The following CATSPERE variants were observed in gnomAD, a reference collection of about 807,000 sequenced individuals.
CATSPERE encodes catsper channel auxiliary subunit epsilon, also known as cation channel sperm-associated auxiliary subunit epsilon.
CATSPERE carries 93 observed loss-of-function variants against 114.1 expected under a neutral mutation model. The ratio of observed to expected loss-of-function variants is 0.81; its 90% confidence interval spans 0.69 to 0.97. The LOEUF is 0.97. Among genes scored for constraint, CATSPERE ranks in the 50% least tolerant of loss-of-function variants. CATSPERE has a pLI of 0.00. For synonymous variants in CATSPERE, 341 were observed against 384.1 expected (o/e 0.89, Z 1.31); for missense variants, 1,058 against 1,131.6 (o/e 0.93, Z 0.93).
chr1:244,524,502 C>A (rs1380340715), intron 8 of CATSPERE, among the ~76,000 whole-genome samples: 3 of 150,064 alleles, frequency 2.0e-5, no homozygotes, highest in Non-Finnish European at 4.4e-5. Context: ...TGTAATTAAA[C>A]TAAAGAGCTT....
Position 244,640,183 on chromosome 1 carries a change from A to C in CATSPERE, c.*102A>C. 1.2e-6 allele frequency: 1 copy of C among 821,792 alleles called. No individual in the cohort carries two copies. The highest frequency in any genetic ancestry group is 1.8e-6 in the Non-Finnish European group (1 of 569,054). The allele number at this position is 821,792 out of a possible 1,614,324, so 50.9% of individuals were successfully genotyped here. A position where few individuals can be genotyped will look rare whatever the true frequency, so the allele number is the denominator to read the frequency against. On this transcript the variant is annotated 3_prime_UTR_variant, in exon 22 of 22. Transcript: ENST00000366534. ...TGTTTGACCAAGAAATACTAAATAT[A>C]AGCTCGTAGTAGGCATCACCAAATT... is the stretch of plus-strand genomic sequence containing the variant.
chr1:244,635,484 T>C lies in CATSPERE; in HGVS notation c.2649-5T>C. On this transcript the variant is annotated splice_region_variant and splice_polypyrimidine_tract_variant and intron_variant, in intron 20 of 21. Coordinates refer to ENST00000366534, the MANE Select transcript of CATSPERE (RefSeq NM_001130957.2). Reference sequence around the variant, plus strand: ...AATCTTTCATATTATTTTTCTGCTTTGCAGTTTCTGTAACCTAACAGCTAT... The same window carrying C: ...AATCTTTCATATTATTTTTCTGCTTCGCAGTTTCTGTAACCTAACAGCTAT... 1 of 1,607,482 alleles carries C rather than the reference T, an allele frequency of 6.2e-7. No homozygotes were observed. Among genetic ancestry groups the C allele is most frequent in the Non-Finnish European group, 8.5e-7 (1 of 1,174,118 alleles).
chr1:244,609,543 G>C (rs999970372), intron 18 of CATSPERE, among the ~76,000 whole-genome samples: 1 of 151,962 alleles, frequency 6.6e-6, no homozygotes, highest in African/African-American at 2.4e-5. Context: ...CAGAGACAGG[G>C]TTTCACTGTG....
intron 6 of CATSPERE, among the ~76,000 whole-genome samples, chr1:244,491,860 C>G (rs1672230094): frequency 6.6e-6 from 1 of 152,162 alleles, no homozygotes; most frequent in Non-Finnish European, 1.5e-5. Flanking sequence ...TGGATAAATT[C>G]CTTGACACAT....
intron 8 of CATSPERE, among the ~76,000 whole-genome samples, chr1:244,527,355 C>T (rs921607175): frequency 6.6e-5 from 10 of 152,284 alleles, no homozygotes; most frequent in African/African-American, 1.9e-4. Context: ...AAGAATTCAG[C>T]GATATTTCTC....
chr1:244,507,226 G>T (rs1196138927), intron 7 of CATSPERE, among the ~76,000 whole-genome samples: 2 of 152,218 alleles, frequency 1.3e-5, no homozygotes, highest in East Asian at 3.9e-4. Flanking sequence ...TGGGGGTTCA[G>T]GTATCCCTTT....
intron 18 of CATSPERE, 91 bp from the exon 19 acceptor site, chr1:244,610,149 A>C: frequency 1.2e-6 from 1 of 816,078 alleles, no homozygotes; most frequent in South Asian, 2.0e-5. Context: ...AAAAATACAA[A>C]ATTTTCAATA....
intron 6 of CATSPERE, among the ~76,000 whole-genome samples, chr1:244,492,647 G>A (rs1475377419): frequency 2.6e-5 from 4 of 152,144 alleles, no homozygotes; most frequent in Non-Finnish European, 5.9e-5. Context: ...AAAAGAGGAA[G>A]TCAAATTGTC....
At chr1:244,456,833 T>C (rs754006016), upstream of CATSPERE, among the ~76,000 whole-genome samples, 25 of 152,312 alleles carry the variant, frequency 1.6e-4, no homozygotes, top group Non-Finnish European at 2.6e-4. Flanking sequence ...CACTTACTTA[T>C]CCGGTTTTTC....
intron 11 of CATSPERE, among the ~76,000 whole-genome samples, chr1:244,578,310 G>A (rs886382745): frequency 8.5e-5 from 13 of 152,128 alleles, no homozygotes; most frequent in East Asian, 1.9e-4. Context: ...GCACCACCAC[G>A]CCCAGCTAAT....
At chr1:244,486,576 C>T (rs1478783197) in intron 5 of CATSPERE, among the ~76,000 whole-genome samples, 8 of 104,424 alleles carry the variant, frequency 7.7e-5, no homozygotes, top group Non-Finnish European at 1.2e-4. Context: ...TGTAGACCCT[C>T]GTAGTCACCT....
intron 17 of CATSPERE, among the ~76,000 whole-genome samples, chr1:244,597,086 C>A (rs992085261): frequency 6.6e-6 from 1 of 152,200 alleles, no homozygotes; most frequent in African/African-American, 2.4e-5. Flanking sequence ...CTGTCCTCCT[C>A]TTTCTCCTGT....
At chr1:244,491,109 C>G (rs1293996050) in intron 6 of CATSPERE, among the ~76,000 whole-genome samples, 1 of 152,072 alleles carries the variant, frequency 6.6e-6, no homozygotes, top group Non-Finnish European at 1.5e-5. Context: ...TAGACATCTA[C>G]AGAACTCTCC....
chr1:244,507,897 GT>G (rs1181002665), intron 7 of CATSPERE, among the ~76,000 whole-genome samples: 2 of 152,056 alleles, frequency 1.3e-5, no homozygotes, highest in Non-Finnish European at 2.9e-5. Context: ...TTGAAGTCAG[GT>G]TGTGTATGCC....
At chr1:244,460,844 G>T (rs1297546713), upstream of CATSPERE, among the ~76,000 whole-genome samples, 3 of 152,268 alleles carry the variant, frequency 2.0e-5, no homozygotes, top group African/African-American at 7.2e-5. Context: ...AACGCCGGAG[G>T]CGGAGGTTGC....
At chr1:244,572,812 A>T (rs762242196) in intron 11 of CATSPERE, 40 bp downstream of exon 11, 1 of 1,275,064 alleles carries the variant, frequency 7.8e-7, no homozygotes, top group Non-Finnish European at 1.1e-6. Context: ...GATTTTAATA[A>T]GTATAAAAGT....
chr1:244,635,467 A>G (rs1430047740), intron 20 of CATSPERE, 22 bp from the exon 21 acceptor site: 1 of 1,568,968 alleles, frequency 6.4e-7, no homozygotes, highest in African/African-American at 1.4e-5. Context: ...GTAATCTTTC[A>G]TATTATTTTT....
intron 13 of CATSPERE, among the ~76,000 whole-genome samples, chr1:244,588,149 G>C (rs1200597025): frequency 7.0e-6 from 1 of 143,340 alleles, no homozygotes; most frequent in African/African-American, 2.7e-5. Flanking sequence ...AGCTGAGATC[G>C]CACCACTGCA....
intron 8 of CATSPERE, among the ~76,000 whole-genome samples, chr1:244,538,529 C>T (rs1360594828): frequency 6.6e-6 from 1 of 152,166 alleles, no homozygotes; most frequent in African/African-American, 2.4e-5. Flanking sequence ...TATCCACAAA[C>T]AAGAATACCT....
Sources: allele counts gnomAD v4.1 joint callset (sites outside exome capture counted in the v4.1 genomes callset), GRCh38; gene constraint gnomAD v4.1.1; transcripts MANE v1.5; gene names NCBI Gene and HGNC (gene_info 2026-07-23, HGNC 2026-07-21).